SLC17A9: variants seen among roughly 807,000 people sequenced by gnomAD.
The protein encoded by SLC17A9 is solute carrier family 17 member 9, also known as voltage-gated purine nucleotide uniporter SLC17A9.
A neutral mutation model predicts 55.0 loss-of-function variants in SLC17A9; 49 were observed. That is an observed-to-expected ratio of 0.89 (90% CI 0.71 to 1.13). The LOEUF is 1.13. Ranked by LOEUF, SLC17A9 falls within the 50% of genes most tolerant of loss-of-function variation. SLC17A9 has a pLI of 0.00. For missense variants in SLC17A9, 526 were observed against 569.3 expected, an observed-to-expected ratio of 0.92 and a Z score of 0.77; for synonymous variants, 256 against 247.4, an observed-to-expected ratio of 1.03 and a Z score of -0.32.
Position 62,967,443 on chromosome 20 carries a change from C to A in SLC17A9, c.1254C>A (p.Phe418Leu). 1 of 1,614,210 alleles carries A rather than the reference C, an allele frequency of 6.2e-7. No individual in the cohort carries two copies. The highest frequency in any genetic ancestry group is 8.5e-7 in the Non-Finnish European group (1 of 1,180,030). ...TCAGCAACCTGGGGCTGTGCACCTT[C>A]CTGGTGTTTGGACAGGCTCAGAGGG... ...AIISNLGLCT[F>L]LVFGQAQRVD... is the part of the protein sequence containing the mutation. Residue 418 changes from phenylalanine (F) to leucine (L), a missense_variant, in exon 13 of 13, where the codon TTC becomes TTA. Phe to Leu is a conservative substitution (Grantham distance 22). Coordinates refer to ENST00000370351, the MANE Select transcript of SLC17A9 (RefSeq NM_022082.4).
Position 62,963,619 on chromosome 20 carries a change from CCTT to C in SLC17A9, c.766_768del (p.Phe256del), listed in dbSNP as rs746689250. Reference sequence around the variant, plus strand: ...GTCTCCCAGCTCTCTGCAGCCTGCTCCTTCTTCATCCTCCTCTCCTGGCTGCCC... The same window carrying C: ...GTCTCCCAGCTCTCTGCAGCCTGCTCCTTCATCCTCCTCTCCTGGCTGCCC... On this transcript the variant is annotated inframe_deletion, in exon 7 of 13. Transcript: ENST00000370351. 8 of 1,603,052 alleles carry C rather than the reference CCTT, an allele frequency of 5.0e-6. No homozygotes were observed. In the East Asian group the frequency reaches 1.3e-4, roughly 27 times the overall value.
intron 7 of SLC17A9, 98 bp downstream of exon 7, chr20:62,963,778 C>T (rs1388210406): frequency 2.7e-6 from 3 of 1,121,300 alleles, no homozygotes; most frequent in Non-Finnish European, 3.9e-6. Context: ...GATGGTGGAA[C>T]CCTCGGCTCC....
intron 9 of SLC17A9, 142 bp downstream of exon 9, chr20:62,965,308 C>A: frequency 8.9e-7 from 1 of 1,127,918 alleles, no homozygotes; most frequent in Non-Finnish European, 1.3e-6. Context: ...AGCACTGGGG[C>A]CCAGAAGGGG....
rs1367543249 is a variant in SLC17A9, at chr20:62,962,466, A to C, written c.498-158A>C. On this transcript the variant is annotated intron_variant, in intron 4 of 12. Transcript: ENST00000370351. The surrounding 1 kb of genome is among the most constrained non-coding windows in gnomAD (Gnocchi z 5.5). ...GAGTACCCGAAGTCCTTAACAAAACAGGCCAGGACGGTGGCTTCTGAGCTG... is the reference window on the plus strand; with the variant it reads ...GAGTACCCGAAGTCCTTAACAAAACCGGCCAGGACGGTGGCTTCTGAGCTG... 6.7e-6 allele frequency: 6 copies of C among 891,554 alleles called. No individual in the cohort carries two copies. Among genetic ancestry groups the C allele is most frequent in the Non-Finnish European group, 9.7e-6 (6 of 616,916 alleles). The allele number at this position is 891,554 out of a possible 1,614,324, so 55.2% of individuals were successfully genotyped here.
rs1439883731 is a variant in SLC17A9 at position 62,963,361 on chromosome 20, T to C, written c.717T>C (p.Pro239=). ...RVPWRRLFRK[P]AVWAAVVSQL... is the part of the protein sequence containing the mutation. Reference sequence around the variant, plus strand: ...CCTGGAGACGGCTCTTCCGGAAGCCTGCTGTCTGGTGAGCTGGGACCTGTG... The same window carrying C: ...CCTGGAGACGGCTCTTCCGGAAGCCCGCTGTCTGGTGAGCTGGGACCTGTG... The change falls in exon 6 of 13, where the codon CCT becomes CCC. Residue 239 remains proline (P), a synonymous_variant. Coordinates refer to ENST00000370351, the MANE Select transcript of SLC17A9 (RefSeq NM_022082.4). The C allele has an allele frequency of 3.1e-6, 5 of 1,613,460 alleles. No homozygotes were observed. Among genetic ancestry groups the C allele is most frequent in the Non-Finnish European group, 4.2e-6 (5 of 1,179,902 alleles).
chr20:62,965,087 C>A (rs1342893945), intron 8 of SLC17A9, 45 bp from the exon 9 acceptor site: 1 of 1,612,840 alleles, frequency 6.2e-7, no homozygotes, highest in Non-Finnish European at 8.5e-7. Flanking sequence ...GGGGTGTCAG[C>A]ACGAAAGGGC....
At position 62,967,865 on chromosome 20, in the gene SLC17A9, C is replaced by T. The variant is rs191140238; in HGVS notation, c.*365C>T. 2.7e-4 allele frequency: 47 copies of T among 176,902 alleles called. No individual in the cohort carries two copies. The highest frequency in any genetic ancestry group is 4.8e-4 in the Non-Finnish European group (40 of 84,018). 11.0% of individuals were successfully genotyped at this position (176,902 alleles called of 1,614,324 possible). A position where few individuals can be genotyped will look rare whatever the true frequency, so the allele number is the denominator to read the frequency against. On this transcript the variant is annotated 3_prime_UTR_variant, in exon 13 of 13. Transcript: ENST00000370351. ...TTCCCGCCAAACCTCCCTCGGTCGC[C>T]GTGTTCTCCGCAAGCCTCCTGCAGC... is the stretch of plus-strand genomic sequence containing the variant.
chr20:62,955,996 G>A (rs960900693), intron 1 of SLC17A9, among the ~76,000 whole-genome samples: 3 of 152,252 alleles, frequency 2.0e-5, no homozygotes, highest in African/African-American at 7.2e-5. Flanking sequence ...AAACTCCAGG[G>A]GTTAATGGTT....
At position 62,962,766 on chromosome 20, in the gene SLC17A9, C is replaced by T. The variant is rs754877169; in HGVS notation, c.628+12C>T. On this transcript the variant is annotated intron_variant, in intron 5 of 12. Transcript: ENST00000370351. This position sits in a 1 kb window ranked among gnomAD's most constrained non-coding sequence, Gnocchi z 5.5. ...GCTGAGTGAAAAAGGTAACGCAGGC[C>T]GGGCGGGCTAGTCCCGGGCGCCCAC... 1.1e-5 allele frequency: 17 copies of T among 1,613,212 alleles called. 1 individual carries two copies. The highest frequency in any genetic ancestry group is 8.9e-5 in the East Asian group (4 of 44,858).
Position 62,964,463 on chromosome 20 carries a change from C to T in SLC17A9, c.910+148C>T, listed in dbSNP as rs572819905. On this transcript the variant is annotated intron_variant, in intron 8 of 12. Transcript: ENST00000370351. ...ACTTCTTTCCAGGCTCGGCCTCCTC[C>T]TTAAAGGGTGGGGTTAGACTGTGGT... 8 of 823,864 alleles carry T rather than the reference C, an allele frequency of 9.7e-6. No homozygotes were observed. The South Asian group carries it at 1.0e-4, about 11-fold the overall frequency. 51.0% of individuals were successfully genotyped at this position (823,864 alleles called of 1,614,324 possible). A position where few individuals can be genotyped will look rare whatever the true frequency, so the allele number is the denominator to read the frequency against.
intron 7 of SLC17A9, chr20:62,963,892 CGCTCGGTGCCTTCCTGCTGCGGCT>C (rs1403612955): frequency 3.3e-6 from 2 of 599,034 alleles, no homozygotes; most frequent in Admixed American, 3.0e-5. Flanking sequence ...ATGATGCGGG[CGCTCGGTGCCTTCCTGCTGCGGCT>C]GCAGCCCTCC....
In SLC17A9 at chr20:62,958,207, G is replaced by A. The variant is rs2065559414; in HGVS notation, c.397+627G>A. ...TGTGCCTTCTGTAGGTGCACACTCTGCAGTGATACACAGGATCACAGGGGG... is the reference window on the plus strand; with the variant it reads ...TGTGCCTTCTGTAGGTGCACACTCTACAGTGATACACAGGATCACAGGGGG... On this transcript the variant is annotated intron_variant, in intron 3 of 12. Coordinates refer to ENST00000370351, the MANE Select transcript of SLC17A9 (RefSeq NM_022082.4). This position sits in a 1 kb window ranked among gnomAD's most constrained non-coding sequence, Gnocchi z 4.1. 1.3e-5 allele frequency among the ~76,000 whole-genome samples: 2 copies of A among 152,156 alleles called. No individual in the cohort carries two copies. The highest frequency in any genetic ancestry group is 4.8e-5 in the African/African-American group (2 of 41,424).
At chr20:62,955,022 G>A (rs2065524301) in intron 1 of SLC17A9, among the ~76,000 whole-genome samples, 1 of 152,046 alleles carries the variant, frequency 6.6e-6, no homozygotes, top group Non-Finnish European at 1.5e-5. Flanking sequence ...GTGCAGTGGT[G>A]CAATCTCGGC....
intron 2 of SLC17A9, 138 bp from the exon 3 acceptor site, chr20:62,957,303 T>A (rs770792071): frequency 1.2e-4 from 178 of 1,483,186 alleles, no homozygotes; most frequent in Admixed American, 5.1e-4. Context: ...GAGGCAGCTC[T>A]GGGGTCATGA....
chr20:62,965,502 T>C, intron 9 of SLC17A9, 108 bp from the exon 10 acceptor site: 1 of 1,055,964 alleles, frequency 9.5e-7, no homozygotes, highest in Non-Finnish European at 1.4e-6. Flanking sequence ...GCAGCCAACC[T>C]GACCGTTGTG....
At chr20:62,966,460 G>T in intron 10 of SLC17A9, 65 bp from the exon 11 acceptor site, 1 of 1,566,856 alleles carries the variant, frequency 6.4e-7, no homozygotes, top group South Asian at 1.1e-5. Context: ...CTTCCCCTGT[G>T]ACAACCCTGG....
chr20:62,962,430 G>T lies in SLC17A9; in HGVS notation c.498-194G>T. 2 of 550,476 alleles carry T rather than the reference G, an allele frequency of 3.6e-6. No homozygotes were observed. The highest frequency in any genetic ancestry group is 6.1e-6 in the Non-Finnish European group (2 of 327,910). 34.1% of individuals were successfully genotyped at this position (550,476 alleles called of 1,614,324 possible). On this transcript the variant is annotated intron_variant, in intron 4 of 12. Coordinates refer to ENST00000370351, the MANE Select transcript of SLC17A9 (RefSeq NM_022082.4). The surrounding 1 kb of genome is among the most constrained non-coding windows in gnomAD (Gnocchi z 5.5). ...GGTTCGCCCCAGCCCTGTGTGCCCG[G>T]AGTCTCCCCTGAGTACCCGAAGTCC... is the stretch of plus-strand genomic sequence containing the variant.
chr20:62,960,428 G>A, intron 3 of SLC17A9, 76 bp from the exon 4 acceptor site: 1 of 1,405,968 alleles, frequency 7.1e-7, no homozygotes, highest in Non-Finnish European at 9.8e-7. Flanking sequence ...TGGAATCACA[G>A]CCCAAACCTG....
intron 1 of SLC17A9, among the ~76,000 whole-genome samples, chr20:62,955,009 A>G (rs897244461): frequency 1.3e-5 from 2 of 151,942 alleles, no homozygotes; most frequent in East Asian, 1.9e-4. Context: ...TGCCCAGGCT[A>G]GAGTGCAGTG....
Sources: gnomAD v4.1 joint callset for allele counts (sites outside exome capture counted in the v4.1 genomes callset) on GRCh38, gnomAD v4.1.1 for gene constraint, Gnocchi (gnomAD v3.1) non-coding constraint, MANE v1.5 for transcripts, NCBI Gene and HGNC (gene_info 2026-07-23, HGNC 2026-07-21) for gene names.